The following DLEU7 variants were observed in gnomAD, a reference collection of about 807,000 sequenced individuals.
The protein encoded by DLEU7 is leukemia-associated protein 7.
In DLEU7, 17 loss-of-function variants were observed where a neutral mutation model predicts 16.0. The ratio of observed to expected loss-of-function variants is 1.06; its 90% CI spans 0.73 to 1.59. The LOEUF is 1.59. Among genes scored for constraint, DLEU7 ranks in the 40% most tolerant of loss-of-function variants. The probability of loss-of-function intolerance (pLI) is 0.00; values close to 1 mark genes in which losing one functional copy is unlikely to be tolerated. For synonymous variants in DLEU7, 113 were observed against 139.8 expected, an observed-to-expected ratio of 0.81 and a Z score of 1.35; for missense variants, 308 against 314.9, an observed-to-expected ratio of 0.98 and a Z score of 0.17.
intron 1 of DLEU7, among the ~76,000 whole-genome samples, chr13:50,780,740 G>A (rs1875626468): frequency 1.3e-5 from 2 of 152,142 alleles, no homozygotes; most frequent in Non-Finnish European, 2.9e-5. Flanking sequence ...ACGGCACAGG[G>A]CAGAGGGAGG....
chr13:50,803,485 C>A (rs1424008462), intron 1 of DLEU7, among the ~76,000 whole-genome samples: 2 of 152,000 alleles, frequency 1.3e-5, no homozygotes, highest in African/African-American at 2.4e-5. Context: ...TGGTAGCCAC[C>A]AGCCCCATGT....
intron 1 of DLEU7, among the ~76,000 whole-genome samples, chr13:50,756,677 C>T (rs921275179): frequency 1.3e-5 from 2 of 152,128 alleles, no homozygotes; most frequent in African/African-American, 4.8e-5. Flanking sequence ...TTTGTTCTTC[C>T]CCTGCCTGTG....
intron 1 of DLEU7, among the ~76,000 whole-genome samples, chr13:50,773,147 T>C (rs1024630128): frequency 1.1e-4 from 16 of 152,226 alleles, no homozygotes; most frequent in Non-Finnish European, 2.2e-4. Flanking sequence ...CTATGCTGTT[T>C]ATTCTAGTTA....
intron 1 of DLEU7, among the ~76,000 whole-genome samples, chr13:50,765,013 G>C (rs1171990909): frequency 1.3e-5 from 2 of 152,124 alleles, no homozygotes; most frequent in Non-Finnish European, 2.9e-5. Flanking sequence ...CTCCAAAGTA[G>C]CTGGGATTAC....
chr13:50,802,315 T>C (rs1876275629), intron 1 of DLEU7, among the ~76,000 whole-genome samples: 1 of 151,988 alleles, frequency 6.6e-6, no homozygotes, highest in Non-Finnish European at 1.5e-5. Context: ...GTGAAAGAGA[T>C]TATGATTTGG....
chr13:50,753,574 G>T (rs1233771336), intron 1 of DLEU7, among the ~76,000 whole-genome samples: 1 of 152,218 alleles, frequency 6.6e-6, no homozygotes, highest in Non-Finnish European at 1.5e-5. Context: ...CATTGCCCGG[G>T]GCCAGCAGGG....
At position 50,758,713 on chromosome 13, in the gene DLEU7, C is replaced by T. The variant is rs1031247135; in HGVS notation, c.460-45473G>A. Reference sequence around the variant, plus strand: ...GAAGGCCTCCCTCAGTTCCTTGTCACATGAACCTCTCCACAGGGCTGACTA... The same window carrying T: ...GAAGGCCTCCCTCAGTTCCTTGTCATATGAACCTCTCCACAGGGCTGACTA... On this transcript the variant is annotated intron_variant, in intron 1 of 1. Coordinates refer to the DLEU7 transcript ENST00000400393. Among the ~76,000 whole-genome samples, 3 of 152,220 alleles carry T rather than the reference C, an allele frequency of 2.0e-5. No individual in the cohort carries two copies. In the South Asian group the frequency reaches 6.2e-4, roughly 31 times the overall value.
intron 1 of DLEU7, among the ~76,000 whole-genome samples, chr13:50,799,252 C>T (rs938507973): frequency 1.3e-5 from 2 of 152,178 alleles, no homozygotes; most frequent in Non-Finnish European, 2.9e-5. Flanking sequence ...GAGATAATCA[C>T]AATCTGGACT....
At chr13:50,756,946 C>T (rs1304828730) in intron 1 of DLEU7, among the ~76,000 whole-genome samples, 1 of 152,154 alleles carries the variant, frequency 6.6e-6, no homozygotes, top group Non-Finnish European at 1.5e-5. Context: ...GGCTGAGCTC[C>T]AGGTAAGGTT....
At chr13:50,753,864 C>T (rs1874671040) in intron 1 of DLEU7, among the ~76,000 whole-genome samples, 1 of 152,216 alleles carries the variant, frequency 6.6e-6, no homozygotes. Flanking sequence ...ACTGTCACCT[C>T]TCAGTGTCAT....
intron 1 of DLEU7, among the ~76,000 whole-genome samples, chr13:50,756,750 C>T (rs1874771097): frequency 6.6e-6 from 1 of 152,128 alleles, no homozygotes; most frequent in South Asian, 2.1e-4. Flanking sequence ...TTTCTGGGTT[C>T]AAATTTTTTC....
Position 50,755,557 on chromosome 13 carries a change from T to A in DLEU7, c.460-42317A>T, listed in dbSNP as rs575696175. On this transcript the variant is annotated intron_variant, in intron 1 of 1. Coordinates refer to the DLEU7 transcript ENST00000400393. ...TCCTGAAGTTTTTATTGCTTTTTTTTATGCTATCTATTTCCTTTAATATTT... is the reference window on the plus strand; with the variant it reads ...TCCTGAAGTTTTTATTGCTTTTTTTAATGCTATCTATTTCCTTTAATATTT... 6.6e-5 allele frequency among the ~76,000 whole-genome samples: 10 copies of A among 152,072 alleles called. No homozygotes were observed. In the South Asian group the frequency reaches 1.2e-3, roughly 19 times the overall value.
rs1166179742 is a variant in DLEU7 at position 50,802,802 on chromosome 13, G to A, written c.459+40386C>T. On this transcript the variant is annotated intron_variant, in intron 1 of 1. Coordinates refer to the DLEU7 transcript ENST00000400393. ...GGATATTTCCAGATATGTTTTATAT[G>A]TCTGTACATGTGTATATCATACATG... is the stretch of plus-strand genomic sequence containing the variant. 2.6e-5 allele frequency among the ~76,000 whole-genome samples: 4 copies of A among 152,054 alleles called. No individual in the cohort carries two copies. In the East Asian group the frequency reaches 7.7e-4, roughly 29 times the overall value.
intron 1 of DLEU7, among the ~76,000 whole-genome samples, chr13:50,816,244 C>T (rs1191493691): frequency 6.6e-6 from 1 of 152,082 alleles, no homozygotes; most frequent in African/African-American, 2.4e-5. Flanking sequence ...TTCAATTAAA[C>T]TTGCTGCAAG....
chr13:50,760,351 T>C (rs1367031598), intron 1 of DLEU7, among the ~76,000 whole-genome samples: 2 of 152,104 alleles, frequency 1.3e-5, no homozygotes, highest in African/African-American at 2.4e-5. Context: ...TTCTTTTTTT[T>C]GGTGGGAGCT....
At chr13:50,814,140 A>C (rs1411874782) in intron 1 of DLEU7, among the ~76,000 whole-genome samples, 1 of 152,164 alleles carries the variant, frequency 6.6e-6, no homozygotes, top group Non-Finnish European at 1.5e-5. Flanking sequence ...CAGATTTCAC[A>C]AAAACAGTTT....
intron 1 of DLEU7, among the ~76,000 whole-genome samples, chr13:50,790,717 G>A (rs375815088): frequency 2.0e-5 from 3 of 152,246 alleles, no homozygotes; most frequent in African/African-American, 7.2e-5. Flanking sequence ...TCAACCCAAT[G>A]CTGTATAAAC....
chr13:50,770,179 G>A (rs924596040), intron 1 of DLEU7, among the ~76,000 whole-genome samples: 4 of 152,258 alleles, frequency 2.6e-5, no homozygotes, highest in Non-Finnish European at 4.4e-5. Context: ...GAGCCAAGAC[G>A]ATGGGGTTTT....
intron 1 of DLEU7, among the ~76,000 whole-genome samples, chr13:50,772,531 GT>G (rs1875349775): frequency 1.3e-5 from 2 of 152,162 alleles, no homozygotes; most frequent in Admixed American, 6.5e-5. Context: ...ATGAAGCTTA[GT>G]TTGGCTGGAT....
Sources: allele counts gnomAD v4.1 joint callset (sites outside exome capture counted in the v4.1 genomes callset), GRCh38; gene constraint gnomAD v4.1.1; transcripts MANE v1.5; gene names NCBI Gene and HGNC (gene_info 2026-07-23, HGNC 2026-07-21).